The following TATDN1 variants were observed in gnomAD, a reference collection of about 807,000 sequenced individuals.
The protein encoded by TATDN1 is TatD DNase domain containing 1.
TATDN1 carries 40 observed loss-of-function variants against 46.4 expected under a neutral mutation model. The observed-to-expected ratio is 0.86, with a 90% CI of 0.67 to 1.12. TATDN1 has a LOEUF of 1.12. TATDN1 is among the 50% of genes most tolerant of loss of function. The pLI is 0.00. For synonymous variants in TATDN1, 95 were observed against 105.6 expected (o/e 0.90, Z 0.62); for missense variants, 326 against 348.4 (o/e 0.94, Z 0.51).
At chr8:124,501,380 C>T (rs905893965) in intron 9 of TATDN1, among the ~76,000 whole-genome samples, 1 of 152,060 alleles carries the variant, frequency 6.6e-6, no homozygotes, top group Non-Finnish European at 1.5e-5. Flanking sequence ...CTGCCAGTTG[C>T]TGGAATGCCT....
chr8:124,500,197 CTT>C (rs1817838227), intron 9 of TATDN1, among the ~76,000 whole-genome samples: 1 of 152,126 alleles, frequency 6.6e-6, no homozygotes, highest in African/African-American at 2.4e-5. Context: ...GAACCAAAGA[CTT>C]TATGTAATAT....
chr8:124,515,040 T>G (rs963297578), intron 6 of TATDN1, among the ~76,000 whole-genome samples: 1 of 152,190 alleles, frequency 6.6e-6, no homozygotes, highest in Non-Finnish European at 1.5e-5. Context: ...TTCTCCTGCC[T>G]CTGCCTCTCA....
At chr8:124,523,097 CACTCATCTACTCAA>C in intron 1 of TATDN1, 95 bp from the exon 2 acceptor site, 3 of 1,012,934 alleles carry the variant, frequency 3.0e-6, no homozygotes, top group Non-Finnish European at 4.6e-6. Flanking sequence ...TTTGTTCACA[CACTCATCTACTCAA>C]ACAATATCCA....
At chr8:124,524,982 T>C (rs542416098) in intron 1 of TATDN1, among the ~76,000 whole-genome samples, 8 of 152,190 alleles carry the variant, frequency 5.3e-5, no homozygotes, top group Admixed American at 5.2e-4. Context: ...CGTCCCAGTA[T>C]AGTCTCTGGG....
chr8:124,496,775 C>A (rs927513654), intron 9 of TATDN1, among the ~76,000 whole-genome samples: 1 of 152,136 alleles, frequency 6.6e-6, no homozygotes, highest in Non-Finnish European at 1.5e-5. Context: ...TTTGTTATTA[C>A]AAAGAATTTA....
In TATDN1 at chr8:124,508,939, C is replaced by T. The variant is rs140999372; in HGVS notation, c.390-251G>A. ...CTTTAATTTTCAGAAAGTAACACCA[C>T]TGGCCCCTTGCCACTGGGAGCACCA... On this transcript the variant is annotated intron_variant, in intron 6 of 11. Transcript: ENST00000276692. Among the ~76,000 whole-genome samples, 414 of 152,310 alleles carry T rather than the reference C, an allele frequency of 2.7e-3. 4 individuals carry two copies. Among genetic ancestry groups the T allele is most frequent in the Non-Finnish European group, 4.0e-3 (269 of 68,020 alleles).
At position 124,522,603 on chromosome 8, in the gene TATDN1, G is replaced by C. The variant is rs543963309; in HGVS notation, c.88+334C>G. ...AGCTAATTTTATTGTATTTTTAGTA[G>C]AGATGGGGTTTCACCATGTTGGCCA... On this transcript the variant is annotated intron_variant, in intron 2 of 11. Coordinates refer to ENST00000276692, the MANE Select transcript of TATDN1 (RefSeq NM_032026.4). Among the ~76,000 whole-genome samples, 4 of 152,252 alleles carry C rather than the reference G, an allele frequency of 2.6e-5. No homozygotes were observed. The East Asian group carries it at 7.7e-4, about 29-fold the overall frequency.
intron 1 of TATDN1, among the ~76,000 whole-genome samples, chr8:124,524,189 G>A (rs1485840310): frequency 1.3e-5 from 2 of 152,182 alleles, no homozygotes; most frequent in Non-Finnish European, 2.9e-5. Flanking sequence ...AAGTGAATGG[G>A]AGTTTAGAAA....
At chr8:124,529,310 T>A (rs530569853) in intron 1 of TATDN1, among the ~76,000 whole-genome samples, 1 of 152,218 alleles carries the variant, frequency 6.6e-6, no homozygotes, top group African/African-American at 2.4e-5. Context: ...AATCATATCC[T>A]TATTGACATA....
At chr8:124,491,134 T>C (rs1411423498) in intron 11 of TATDN1, 1 of 152,132 alleles carries the variant, frequency 6.6e-6, no homozygotes, top group African/African-American at 2.4e-5. Context: ...CTACCCTATC[T>C]CCTTTCCAGC....
intron 1 of TATDN1, among the ~76,000 whole-genome samples, chr8:124,532,582 C>T (rs147736138): frequency 6.4e-4 from 97 of 152,342 alleles, no homozygotes; most frequent in African/African-American, 2.2e-3. Flanking sequence ...CTGCACCTGG[C>T]CTAGTCTTTG....
At chr8:124,523,175 T>C (rs888866554) in intron 1 of TATDN1, 173 bp from the exon 2 acceptor site, 8 of 596,596 alleles carry the variant, frequency 1.3e-5, no homozygotes, top group South Asian at 8.2e-5. Flanking sequence ...CAAAGATGAA[T>C]AGGATATAAT....
Position 124,523,022 on chromosome 8 carries a change from CTGAT to C in TATDN1, c.23-24_23-21del, listed in dbSNP as rs749288853. ...CAATATCTGTAGAAAGCAAAAGTCA[CTGAT>C]TAATTATTGAGTCTCTACATGAAAC... On this transcript the variant is annotated intron_variant, in intron 1 of 11. Transcript: ENST00000276692. The C allele has an allele frequency of 4.4e-6, 7 of 1,604,880 alleles. No individual in the cohort carries two copies. Among genetic ancestry groups the C allele is most frequent in the Non-Finnish European group, 6.0e-6 (7 of 1,173,518 alleles).
intron 1 of TATDN1, among the ~76,000 whole-genome samples, chr8:124,536,306 T>C (rs948631097): frequency 6.6e-6 from 1 of 152,104 alleles, no homozygotes; most frequent in African/African-American, 2.4e-5. Context: ...ATCCCAGAAC[T>C]TTGGGAGGCG....
At chr8:124,501,196 T>C (rs1045148992) in intron 9 of TATDN1, among the ~76,000 whole-genome samples, 2 of 152,158 alleles carry the variant, frequency 1.3e-5, no homozygotes, top group African/African-American at 4.8e-5. Context: ...CTCTAACCCA[T>C]CCTGCTCCAA....
At chr8:124,502,169 C>T (rs1034540450) in intron 9 of TATDN1, among the ~76,000 whole-genome samples, 1 of 151,942 alleles carries the variant, frequency 6.6e-6, no homozygotes, top group Non-Finnish European at 1.5e-5. Context: ...CCTGTCTCTA[C>T]TAAAAATACA....
At chr8:124,537,831 T>C (rs1289044302) in intron 1 of TATDN1, among the ~76,000 whole-genome samples, 2 of 152,086 alleles carry the variant, frequency 1.3e-5, no homozygotes, top group Non-Finnish European at 2.9e-5. Flanking sequence ...TCCTGGCACT[T>C]AACATATTCT....
chr8:124,502,127 G>A (rs1374557297), intron 9 of TATDN1, among the ~76,000 whole-genome samples: 1 of 152,138 alleles, frequency 6.6e-6, no homozygotes, highest in Non-Finnish European at 1.5e-5. Context: ...GAGGTCAGGA[G>A]GTCGAGACCA....
intron 1 of TATDN1, chr8:124,526,588 T>C (rs1254346746): frequency 6.6e-6 from 1 of 152,274 alleles, no homozygotes; most frequent in African/African-American, 2.4e-5. Context: ...TTCAGTAGCA[T>C]GTCACCCTAT....
Sources: allele counts gnomAD v4.1 joint callset (sites outside exome capture counted in the v4.1 genomes callset), GRCh38; gene constraint gnomAD v4.1.1; transcripts MANE v1.5; gene names NCBI Gene and HGNC (gene_info 2026-07-23, HGNC 2026-07-21).